PSMA4: variants seen among roughly 807,000 people sequenced by gnomAD.
PSMA4 encodes proteasome 20S subunit alpha 4, also known as proteasome subunit alpha type-4.
A neutral mutation model predicts 37.2 loss-of-function variants in PSMA4; 8 were observed. The observed-to-expected ratio is 0.22, with a 90% CI of 0.13 to 0.39. The LOEUF (loss-of-function observed/expected upper bound fraction) is 0.39. Among genes scored for constraint, PSMA4 ranks in the 10% least tolerant of loss-of-function variants. PSMA4 has a pLI of 1.00. For missense variants in PSMA4, 169 were observed against 305.1 expected, an observed-to-expected ratio of 0.55 and a Z score of 3.32; for synonymous variants, 93 against 98.8, an observed-to-expected ratio of 0.94 and a Z score of 0.35.
chr15:78,540,463 G>C lies in PSMA4; in HGVS notation c.-100G>C, dbSNP rs776122748. The C allele has an allele frequency of 6.6e-6, 1 of 152,424 alleles. No individual in the cohort carries two copies. The highest frequency in any genetic ancestry group is 1.5e-5 in the Non-Finnish European group (1 of 68,194). The allele number at this position is 152,424 out of a possible 1,614,324, so 9.4% of individuals were successfully genotyped here. A position where few individuals can be genotyped will look rare whatever the true frequency, so the allele number is the denominator to read the frequency against. ...GGGGCCATATTAGCAGCGGTTATTC[G>C]GTGAGCGGTGGTGGTTTATTCTTCC... On this transcript the variant is annotated 5_prime_UTR_variant, in exon 1 of 9. Transcript: ENST00000044462.
chr15:78,546,691 T>G lies in PSMA4; in HGVS notation c.624T>G (p.Ala208=). Residue 208 remains alanine, a synonymous_variant, in exon 8 of 9, where the codon GCT becomes GCG. Transcript: ENST00000044462. Reference sequence around the variant, plus strand: ...CCATGGATGTTAGTAAACTCTCTGCTGAAAAAGGTAATTCATATCCTCTCC... The same window carrying G: ...CCATGGATGTTAGTAAACTCTCTGCGGAAAAAGGTAATTCATATCCTCTCC... ...NKTMDVSKLS[A]EKVEIATLTR... is the part of the protein sequence containing the mutation. 1 of 1,597,348 alleles carries G rather than the reference T, an allele frequency of 6.3e-7. No individual in the cohort carries two copies. Among genetic ancestry groups the G allele is most frequent in the Non-Finnish European group, 8.5e-7 (1 of 1,175,590 alleles).
chr15:78,543,574 T>G (rs3032253), intron 4 of PSMA4, among the ~76,000 whole-genome samples: 3 of 100,914 alleles, frequency 3.0e-5, no homozygotes, highest in Non-Finnish European at 2.0e-5. Flanking sequence ...ATCTTTTTTT[T>G]TTTTTTTTTT....
intron 8 of PSMA4, 100 bp downstream of exon 8, chr15:78,546,798 G>A (rs1352458927): frequency 5.0e-5 from 64 of 1,281,448 alleles, no homozygotes; most frequent in Middle Eastern, 2.9e-4. Flanking sequence ...ATGGAGTCTC[G>A]CTCTGTTGCC....
At chr15:78,547,802 A>C (rs2052579874) in intron 8 of PSMA4, among the ~76,000 whole-genome samples, 2 of 152,076 alleles carry the variant, frequency 1.3e-5, no homozygotes, top group Admixed American at 1.3e-4. Flanking sequence ...ATGCCACTGC[A>C]CTCCAGCGTG....
intron 1 of PSMA4, 124 bp downstream of exon 1, chr15:78,540,663 C>T (rs1257196919): frequency 6.6e-6 from 1 of 152,206 alleles, no homozygotes; most frequent in African/African-American, 2.4e-5. Context: ...GGCACGATGA[C>T]TCTGCACCGC....
chr15:78,547,046 G>A (rs1220519782), intron 8 of PSMA4, among the ~76,000 whole-genome samples: 21 of 152,208 alleles, frequency 1.4e-4, no homozygotes, highest in East Asian at 3.8e-4. Context: ...GATTACAGGC[G>A]TGAGCCATTG....
intron 6 of PSMA4, 25 bp from the exon 7 acceptor site, chr15:78,545,609 G>T: frequency 6.2e-7 from 1 of 1,610,336 alleles, no homozygotes; most frequent in Non-Finnish European, 8.5e-7. Context: ...TTATTGATAT[G>T]TTTGGCTTTT....
chr15:78,546,411 T>G lies in PSMA4; in HGVS notation c.508-164T>G, dbSNP rs1024031007. ...ATACAGTGAGCTGAGATCATGCCAC[T>G]ACACTCCAGCCTGGGCAACAGAGTG... On this transcript the variant is annotated intron_variant, in intron 7 of 8. Transcript: ENST00000044462. Among the ~76,000 whole-genome samples, 4 of 150,640 alleles carry G rather than the reference T, an allele frequency of 2.7e-5. No homozygotes were observed. The South Asian group carries it at 8.4e-4, about 32-fold the overall frequency.
rs551331810 is a variant in PSMA4, at chr15:78,549,910, T to C, written c.*966T>C. 12 of 152,750 alleles carry C rather than the reference T, an allele frequency of 7.9e-5. No individual in the cohort carries two copies. Among genetic ancestry groups the C allele is most frequent in the African/African-American group, 2.9e-4 (12 of 41,582 alleles). The allele number at this position is 152,750 out of a possible 1,614,324, so 9.5% of individuals were successfully genotyped here. A position where few individuals can be genotyped will look rare whatever the true frequency, so the allele number is the denominator to read the frequency against. On this transcript the variant is annotated 3_prime_UTR_variant, in exon 9 of 9. Coordinates refer to ENST00000044462, the MANE Select transcript of PSMA4 (RefSeq NM_002789.6). Reference sequence around the variant, plus strand: ...ATTTCCATCAGCTAGGGTGAGTGCATTGAGCCATCATTTACCCTTCTCTCA... The same window carrying C: ...ATTTCCATCAGCTAGGGTGAGTGCACTGAGCCATCATTTACCCTTCTCTCA...
In PSMA4 at chr15:78,548,967, T is replaced by A; in HGVS notation, c.*23T>A. Reference sequence around the variant, plus strand: ...TAGAATCAGAGATTTTATTACTCATTTGGGGCACCATTTCAGTGTAAAAGC... The same window carrying A: ...TAGAATCAGAGATTTTATTACTCATATGGGGCACCATTTCAGTGTAAAAGC... On this transcript the variant is annotated 3_prime_UTR_variant, in exon 9 of 9. Coordinates refer to ENST00000044462, the MANE Select transcript of PSMA4 (RefSeq NM_002789.6). 2 of 1,593,386 alleles carry A rather than the reference T, an allele frequency of 1.3e-6. No homozygotes were observed. Among genetic ancestry groups the A allele is most frequent in the Non-Finnish European group, 1.7e-6 (2 of 1,172,606 alleles).
At chr15:78,541,592 A>G (rs1424717455) in intron 1 of PSMA4, 12 of 345,234 alleles carry the variant, frequency 3.5e-5, no homozygotes, top group Non-Finnish European at 5.9e-5. Context: ...TGCCTCTCCC[A>G]TCTCTGATTT....
intron 4 of PSMA4, 58 bp from the exon 5 acceptor site, chr15:78,544,132 T>A: frequency 7.6e-7 from 1 of 1,311,396 alleles, no homozygotes; most frequent in Non-Finnish European, 1.1e-6. Context: ...TAAATACTTA[T>A]AAACACTCCT....
rs1819924542 is a variant in PSMA4, at chr15:78,550,878, C to T, written c.*1934C>T. 1 of 152,122 alleles carries T rather than the reference C, an allele frequency of 6.6e-6. No individual in the cohort carries two copies. Among genetic ancestry groups the T allele is most frequent in the South Asian group, 2.1e-4 (1 of 4,820 alleles). 9.4% of individuals were successfully genotyped at this position (152,122 alleles called of 1,614,324 possible). On this transcript the variant is annotated 3_prime_UTR_variant, in exon 9 of 9. Transcript: ENST00000044462. ...ACCACAAGTATTGGTTTGGGGGTTA[C>T]ATGTACATTTTATGAGAATGCAAAT...
chr15:78,542,534 C>T lies in PSMA4; in HGVS notation c.98C>T (p.Thr33Ile). 1.2e-6 allele frequency: 2 copies of T among 1,614,100 alleles called. No homozygotes were observed. Among genetic ancestry groups the T allele is most frequent in the Non-Finnish European group, 1.7e-6 (2 of 1,180,024 alleles). ...YAMEAIGHAGTCLGILANDGV... is the reference protein window; with the variant it reads ...YAMEAIGHAGICLGILANDGV... ...ATGGAAGCTATTGGACATGCAGGCA[C>T]CTGTTTGGGAATTTTAGCAAATGAT... is the stretch of plus-strand genomic sequence containing the variant. Residue 33 changes from threonine (T) to isoleucine (I), a missense_variant, in exon 4 of 9, where the codon ACC becomes ATC. By Grantham distance (89) the Thr-to-Ile change is moderately conservative. This residue lies in a region of PSMA4 where 79 missense variants were observed against 212.4 expected (regional missense o/e 0.37). Coordinates refer to ENST00000044462, the MANE Select transcript of PSMA4 (RefSeq NM_002789.6).
In PSMA4 at chr15:78,549,256, T is replaced by G. The variant is rs564345339; in HGVS notation, c.*312T>G. ...TACAAAAACTGACAGGGCGATTACT[T>G]TTTGCACATTGTGGCTTACAGTCCT... is the stretch of plus-strand genomic sequence containing the variant. On this transcript the variant is annotated 3_prime_UTR_variant, in exon 9 of 9. Transcript: ENST00000044462. The G allele has an allele frequency of 1.6e-4, 31 of 192,018 alleles. No homozygotes were observed. Among genetic ancestry groups the G allele is most frequent in the Non-Finnish European group, 2.8e-4 (27 of 97,050 alleles). The allele number at this position is 192,018 out of a possible 1,614,324, so 11.9% of individuals were successfully genotyped here. A position where few individuals can be genotyped will look rare whatever the true frequency, so the allele number is the denominator to read the frequency against.
chr15:78,552,021 C>CT lies in PSMA4; in HGVS notation c.*3080dup, dbSNP rs774033891. The CT allele has an allele frequency of 6.6e-6, 1 of 152,208 alleles. No homozygotes were observed. 9.4% of individuals were successfully genotyped at this position (152,208 alleles called of 1,614,324 possible). ...GATAGGAGGTGAGGCAAAAGCTACT[C>CT]TTTAACTGTGAGTTTTTTTTCCTTG... On this transcript the variant is annotated 3_prime_UTR_variant, in exon 9 of 9. Coordinates refer to ENST00000044462, the MANE Select transcript of PSMA4 (RefSeq NM_002789.6).
At chr15:78,546,539 A>G (rs2052555857) in intron 7 of PSMA4, 36 bp from the exon 8 acceptor site, 3 of 1,546,670 alleles carry the variant, frequency 1.9e-6, no homozygotes, top group Admixed American at 2.3e-5. Flanking sequence ...AAAAAATGTA[A>G]AAACTTAAAA....
chr15:78,549,370 C>T lies in PSMA4; in HGVS notation c.*426C>T, dbSNP rs186826359. 1 of 153,614 alleles carries T rather than the reference C, an allele frequency of 6.5e-6. No individual in the cohort carries two copies. Among genetic ancestry groups the T allele is most frequent in the East Asian group, 1.9e-4 (1 of 5,238 alleles). 9.5% of individuals were successfully genotyped at this position (153,614 alleles called of 1,614,324 possible). A position where few individuals can be genotyped will look rare whatever the true frequency, so the allele number is the denominator to read the frequency against. On this transcript the variant is annotated 3_prime_UTR_variant, in exon 9 of 9. Transcript: ENST00000044462. ...TTTGAGAATGAACACGTGAGCTGAA[C>T]AAAGCCAGAATTGATGTGTGGGTGT...
intron 8 of PSMA4, among the ~76,000 whole-genome samples, chr15:78,547,860 A>G (rs2052581650): frequency 6.6e-6 from 1 of 152,016 alleles, no homozygotes; most frequent in Non-Finnish European, 1.5e-5. Flanking sequence ...ATATTTCTAA[A>G]TGTTTTTCAG....
Sources: gnomAD v4.1 joint callset for allele counts (sites outside exome capture counted in the v4.1 genomes callset) on GRCh38, gnomAD v4.1.1 for gene constraint, gnomAD v4.1.1 regional missense constraint, MANE v1.5 for transcripts, NCBI Gene and HGNC (gene_info 2026-07-23, HGNC 2026-07-21) for gene names.